CDC42BPA: variants seen among roughly 807,000 people sequenced by gnomAD.
CDC42BPA encodes CDC42 binding protein kinase alpha.
In CDC42BPA, 80 loss-of-function variants were observed where a neutral mutation model predicts 223.5. That is an observed-to-expected ratio of 0.36 (90% CI 0.30 to 0.43). The LOEUF (loss-of-function observed/expected upper bound fraction) is 0.43, where lower values mean the gene tolerates loss of function less well. Among genes scored for constraint, CDC42BPA ranks in the 20% least tolerant of loss-of-function variants. The pLI, the probability that CDC42BPA is intolerant of heterozygous loss-of-function variation, is 1.00. For synonymous variants in CDC42BPA, 694 were observed against 718.6 expected (o/e 0.97, Z 0.55); for missense variants, 1,743 against 2,099.9 (o/e 0.83, Z 3.32).
At chr1:227,156,014 C>A (rs1471325306) in intron 6 of CDC42BPA, among the ~76,000 whole-genome samples, 2 of 152,056 alleles carry the variant, frequency 1.3e-5, no homozygotes, top group Non-Finnish European at 2.9e-5. Context: ...CAAAGCACCA[C>A]TGAACTTGCG....
chr1:227,014,526 T>A (rs1455205485), intron 34 of CDC42BPA, among the ~76,000 whole-genome samples: 1 of 152,032 alleles, frequency 6.6e-6, no homozygotes, highest in Non-Finnish European at 1.5e-5. Context: ...AATGCAGATA[T>A]GTTTTCTTCC....
chr1:227,063,252 C>T (rs147747022), intron 21 of CDC42BPA, among the ~76,000 whole-genome samples: 9 of 152,182 alleles, frequency 5.9e-5, no homozygotes, highest in African/African-American at 1.9e-4. Flanking sequence ...CACTATAAAC[C>T]AGCACCTTGT....
chr1:227,280,958 G>C (rs1431998923), intron 1 of CDC42BPA, among the ~76,000 whole-genome samples: 1 of 152,156 alleles, frequency 6.6e-6, no homozygotes, highest in Non-Finnish European at 1.5e-5. Flanking sequence ...CTCTGGGATA[G>C]ACCGGCTGCT....
intron 2 of CDC42BPA, among the ~76,000 whole-genome samples, chr1:227,224,821 G>A (rs1012671072): frequency 2.0e-5 from 3 of 152,160 alleles, no homozygotes; most frequent in Admixed American, 1.3e-4. Context: ...CATTTGAAGT[G>A]TAGTGAAAGC....
chr1:227,264,346 AG>A (rs1684616771), intron 1 of CDC42BPA, among the ~76,000 whole-genome samples: 1 of 151,530 alleles, frequency 6.6e-6, no homozygotes. Context: ...CCTGTATCTG[AG>A]GATCATGTAC....
chr1:227,308,372 T>C (rs1160966823), intron 1 of CDC42BPA, among the ~76,000 whole-genome samples: 1 of 151,976 alleles, frequency 6.6e-6, no homozygotes, highest in Non-Finnish European at 1.5e-5. Flanking sequence ...TAGCCAGGCA[T>C]GGCAGCGTGC....
At chr1:227,011,663 A>G (rs1489284480) in intron 34 of CDC42BPA, among the ~76,000 whole-genome samples, 1 of 152,226 alleles carries the variant, frequency 6.6e-6, no homozygotes, top group Non-Finnish European at 1.5e-5. Flanking sequence ...TTTTCTTAAC[A>G]AGGTAAAAAT....
chr1:227,145,904 G>A (rs772488842), intron 7 of CDC42BPA, among the ~76,000 whole-genome samples, 167 bp from the exon 8 acceptor site: 2 of 152,114 alleles, frequency 1.3e-5, no homozygotes, highest in Non-Finnish European at 2.9e-5. Context: ...AATGACAGAA[G>A]ATCATTTTCC....
chr1:227,060,367 A>G (rs1198128892), intron 21 of CDC42BPA, among the ~76,000 whole-genome samples: 1 of 152,176 alleles, frequency 6.6e-6, no homozygotes, highest in African/African-American at 2.4e-5. Context: ...AATTTCTAAC[A>G]TTCAGTGCAA....
rs1261416733 is a variant in CDC42BPA, at chr1:227,046,514, G to A, written c.3093+1413C>T. On this transcript the variant is annotated intron_variant, in intron 23 of 36. Transcript: ENST00000366766. ...TCTCACCAACCAGTGAGCCTGGTTGGTGCCCTTAAATTTGTGATCTCTTTG... is the reference window on the plus strand; with the variant it reads ...TCTCACCAACCAGTGAGCCTGGTTGATGCCCTTAAATTTGTGATCTCTTTG... Among the ~76,000 whole-genome samples the A allele has an allele frequency of 5.9e-5, 9 of 152,276 alleles. No homozygotes were observed. The South Asian group carries it at 1.9e-3, about 32-fold the overall frequency.
intron 1 of CDC42BPA, among the ~76,000 whole-genome samples, chr1:227,287,061 T>C (rs777945493): frequency 3.1e-4 from 47 of 152,084 alleles, no homozygotes; most frequent in African/African-American, 1.1e-3. Context: ...ACCTTCAACA[T>C]TGGGGGTCAC....
At chr1:227,193,578 G>A (rs1266059007) in intron 5 of CDC42BPA, 4 of 512,634 alleles carry the variant, frequency 7.8e-6, no homozygotes, top group Non-Finnish European at 1.0e-5. Flanking sequence ...ACATGTACAT[G>A]TATGTATAAG....
chr1:227,244,499 G>GGA (rs1680571336), intron 2 of CDC42BPA, among the ~76,000 whole-genome samples: 1 of 150,912 alleles, frequency 6.6e-6, no homozygotes, highest in Non-Finnish European at 1.5e-5. Flanking sequence ...CATGGTGGGG[G>GGA]GGGGCAATGG....
chr1:227,085,303 C>CAGATGCA (rs1271173022), intron 16 of CDC42BPA, among the ~76,000 whole-genome samples: 24 of 152,272 alleles, frequency 1.6e-4, no homozygotes, highest in Middle Eastern at 3.4e-3. Context: ...AGTAAAGAAC[C>CAGATGCA]AGATGCAAGT....
chr1:227,248,424 T>C (rs1047458734), intron 2 of CDC42BPA, among the ~76,000 whole-genome samples: 1 of 149,778 alleles, frequency 6.7e-6, no homozygotes, highest in Admixed American at 6.6e-5. Flanking sequence ...AGTTGCAGGA[T>C]ACAAAATCAA....
At chr1:227,251,546 T>G (rs1444827928) in intron 2 of CDC42BPA, among the ~76,000 whole-genome samples, 1 of 152,124 alleles carries the variant, frequency 6.6e-6, no homozygotes, top group Admixed American at 6.6e-5. Flanking sequence ...GAATAAGATA[T>G]TTAATGAAAA....
intron 23 of CDC42BPA, among the ~76,000 whole-genome samples, chr1:227,045,963 G>A (rs980756917): frequency 2.6e-5 from 4 of 151,884 alleles, no homozygotes; most frequent in Non-Finnish European, 4.4e-5. Flanking sequence ...ACATCACCAC[G>A]CCTGGCTAAT....
chr1:227,243,800 A>C (rs1231127186), intron 2 of CDC42BPA, among the ~76,000 whole-genome samples: 1 of 151,544 alleles, frequency 6.6e-6, no homozygotes, highest in East Asian at 1.9e-4. Context: ...ACACGTGTGC[A>C]CATCTCCAAC....
chr1:227,094,919 A>ACTC (rs1176509666), intron 15 of CDC42BPA, among the ~76,000 whole-genome samples: 6 of 152,106 alleles, frequency 3.9e-5, no homozygotes, highest in Admixed American at 6.6e-5. Context: ...CCCACAAAGC[A>ACTC]CTCCTTTCAC....
Sources: gnomAD v4.1 joint callset for allele counts (sites outside exome capture counted in the v4.1 genomes callset) on GRCh38, gnomAD v4.1.1 for gene constraint, MANE v1.5 for transcripts, NCBI Gene and HGNC (gene_info 2026-07-23, HGNC 2026-07-21) for gene names.